OXR1: variants seen among roughly 807,000 people sequenced by gnomAD.
The protein encoded by OXR1 is oxidation resistance protein 1.
Under a neutral mutation model 104.6 loss-of-function variants are expected in OXR1, and 41 were observed. The ratio of observed to expected loss-of-function variants is 0.39; its 90% confidence interval spans 0.31 to 0.51. The LOEUF is 0.51. Ranked by LOEUF, OXR1 falls within the 20% of genes least tolerant of loss-of-function variation. The pLI, the probability that OXR1 is intolerant of heterozygous loss-of-function variation, is 0.77. For missense variants in OXR1, 955 were observed against 1,031.9 expected (o/e 0.93, Z 1.02); for synonymous variants, 348 against 348.4 (o/e 1.00, Z 0.01).
intron 3 of OXR1, among the ~76,000 whole-genome samples, chr8:106,567,749 T>G (rs908220037): frequency 2.0e-5 from 3 of 152,166 alleles, no homozygotes; most frequent in Non-Finnish European, 2.9e-5. Context: ...TAATGAAAAC[T>G]AAATAATTTT....
chr8:106,589,726 G>GCATGAACTCGGCTCA (rs1818930247), intron 3 of OXR1, among the ~76,000 whole-genome samples: 1 of 152,304 alleles, frequency 6.6e-6, no homozygotes, highest in East Asian at 1.9e-4. Context: ...GAGTGCAATG[G>GCATGAACTCGGCTCA]CATGAACTCG....
At chr8:106,620,200 T>C (rs979032200) in intron 3 of OXR1, among the ~76,000 whole-genome samples, 7 of 152,226 alleles carry the variant, frequency 4.6e-5, no homozygotes. Context: ...TCATACCCTC[T>C]GCAGTTACTA....
At chr8:106,530,530 A>G (rs1814017031) in intron 3 of OXR1, among the ~76,000 whole-genome samples, 1 of 152,216 alleles carries the variant, frequency 6.6e-6, no homozygotes. Flanking sequence ...GTTAACAGTT[A>G]TGACTGAAAG....
At chr8:106,589,913 C>T (rs1244228930) in intron 3 of OXR1, among the ~76,000 whole-genome samples, 1 of 152,158 alleles carries the variant, frequency 6.6e-6, no homozygotes, top group African/African-American at 2.4e-5. Context: ...GTGACCCGCC[C>T]ACCTCAGCCT....
At chr8:106,289,585 G>A (rs150342214) in intron 1 of OXR1, among the ~76,000 whole-genome samples, 348 of 152,234 alleles carry the variant, frequency 2.3e-3, no homozygotes, top group African/African-American at 7.6e-3. Flanking sequence ...TGGCCATACC[G>A]TCTAAAGCAA....
chr8:106,637,052 G>A (rs924124513), intron 3 of OXR1, among the ~76,000 whole-genome samples: 6 of 152,090 alleles, frequency 3.9e-5, no homozygotes, highest in East Asian at 1.9e-4. Flanking sequence ...TAGTCAAATC[G>A]TAATCATTCC....
chr8:106,401,534 G>A (rs1203285180), intron 2 of OXR1, among the ~76,000 whole-genome samples: 3 of 152,148 alleles, frequency 2.0e-5, no homozygotes, highest in Admixed American at 6.5e-5. Flanking sequence ...TAATTCACCT[G>A]TAGGGGTCTG....
chr8:106,718,337 A>G (rs76476721), intron 11 of OXR1, among the ~76,000 whole-genome samples: 5,140 of 152,316 alleles, frequency 0.034, 134 homozygotes, highest in Middle Eastern at 0.082. Context: ...GACCAGTCCT[A>G]TTGAAGACAG....
At chr8:106,692,146 C>T (rs1162985373) in intron 6 of OXR1, among the ~76,000 whole-genome samples, 1 of 151,914 alleles carries the variant, frequency 6.6e-6, no homozygotes, top group East Asian at 1.9e-4. Context: ...GAAGCTGGTT[C>T]ATAGGCTTCA....
chr8:106,700,716 A>G (rs775504567), intron 7 of OXR1, among the ~76,000 whole-genome samples: 3 of 152,230 alleles, frequency 2.0e-5, no homozygotes, highest in Non-Finnish European at 4.4e-5. Flanking sequence ...CTTTTCTGTC[A>G]TACATAGCTA....
intron 3 of OXR1, among the ~76,000 whole-genome samples, chr8:106,592,978 A>T (rs1454035774): frequency 1.3e-5 from 2 of 152,152 alleles, no homozygotes; most frequent in Non-Finnish European, 2.9e-5. Context: ...TTCCTTTTTC[A>T]GGTGTTTTCC....
chr8:106,615,721 C>A (rs1245999388), intron 3 of OXR1, among the ~76,000 whole-genome samples: 1 of 152,136 alleles, frequency 6.6e-6, no homozygotes, highest in Non-Finnish European at 1.5e-5. Flanking sequence ...AACATCAAGG[C>A]ATCTTCAAAA....
At chr8:106,557,072 A>G (rs972463009) in intron 3 of OXR1, among the ~76,000 whole-genome samples, 1 of 152,118 alleles carries the variant, frequency 6.6e-6, no homozygotes, top group Non-Finnish European at 1.5e-5. Flanking sequence ...TTCTTCTCAC[A>G]CATAATATAC....
intron 3 of OXR1, among the ~76,000 whole-genome samples, chr8:106,554,704 T>G (rs1458874635): frequency 6.6e-6 from 1 of 152,166 alleles, no homozygotes. Context: ...ATGTGAAACC[T>G]GGGCATTGGG....
intron 3 of OXR1, among the ~76,000 whole-genome samples, chr8:106,609,637 C>T (rs1441994902): frequency 2.6e-5 from 4 of 151,970 alleles, no homozygotes. Flanking sequence ...GGTTAATTGT[C>T]AAAGTTAGAA....
intron 2 of OXR1, among the ~76,000 whole-genome samples, chr8:106,403,364 C>T (rs566063523): frequency 3.3e-5 from 5 of 152,358 alleles, no homozygotes; most frequent in African/African-American, 1.2e-4. Flanking sequence ...CAGTTGAGTG[C>T]TGCCACTTGG....
chr8:106,506,241 T>C (rs889967360), intron 2 of OXR1, among the ~76,000 whole-genome samples: 32 of 152,172 alleles, frequency 2.1e-4, no homozygotes, highest in African/African-American at 7.2e-4. Context: ...GTATAAAATG[T>C]GTTGCATGTA....
intron 2 of OXR1, among the ~76,000 whole-genome samples, chr8:106,509,764 C>T (rs1812398986): frequency 6.6e-6 from 1 of 152,148 alleles, no homozygotes; most frequent in African/African-American, 2.4e-5. Context: ...TATCTAAGCT[C>T]CAACAAACAT....
chr8:106,657,884 C>G (rs1387280883), intron 3 of OXR1: 7 of 1,243,496 alleles, frequency 5.6e-6, no homozygotes, highest in African/African-American at 1.6e-5. Flanking sequence ...AGCCGCCTCC[C>G]CTGGGTCAGG....
Sources: allele counts gnomAD v4.1 joint callset (sites outside exome capture counted in the v4.1 genomes callset), GRCh38; gene constraint gnomAD v4.1.1; transcripts MANE v1.5; gene names NCBI Gene and HGNC (gene_info 2026-07-23, HGNC 2026-07-21).